The following YTHDF2 variants were observed in gnomAD, a reference collection of about 807,000 sequenced individuals.
YTHDF2 encodes the protein YTH N6-methyladenosine RNA binding protein F2.
Under a neutral mutation model 50.4 loss-of-function variants are expected in YTHDF2, and 2 were observed. The observed-to-expected ratio is 0.04, with a 90% CI of 0.02 to 0.12. The LOEUF (loss-of-function observed/expected upper bound fraction) is 0.12, where lower values mean the gene tolerates loss of function less well. Among genes scored for constraint, YTHDF2 ranks in the 10% least tolerant of loss-of-function variants. The pLI, the probability that YTHDF2 is intolerant of heterozygous loss-of-function variation, is 1.00. For missense variants in YTHDF2, 483 were observed against 722.6 expected (o/e 0.67, Z 3.80); for synonymous variants, 217 against 255.6 (o/e 0.85, Z 1.44).
intron 4 of YTHDF2, among the ~76,000 whole-genome samples, chr1:28,751,740 C>T (rs2087955769): frequency 6.6e-6 from 1 of 152,072 alleles, no homozygotes; most frequent in African/African-American, 2.4e-5. Flanking sequence ...CCATCTTTGC[C>T]TTAGAAGCAG....
intron 3 of YTHDF2, among the ~76,000 whole-genome samples, chr1:28,741,312 T>G (rs2087773189): frequency 6.6e-6 from 1 of 151,978 alleles, no homozygotes; most frequent in African/African-American, 2.4e-5. Flanking sequence ...TTTATTTTAT[T>G]TTTTTGAGAC....
chr1:28,756,785 C>G (rs1429990885), intron 4 of YTHDF2, among the ~76,000 whole-genome samples: 1 of 149,970 alleles, frequency 6.7e-6, no homozygotes, highest in Non-Finnish European at 1.5e-5. Context: ...ACAGCATTGG[C>G]TTTGCCTGCC....
intron 4 of YTHDF2, among the ~76,000 whole-genome samples, chr1:28,755,564 A>G (rs2088024814): frequency 6.6e-6 from 1 of 152,230 alleles, no homozygotes. Context: ...CTAATTCTGC[A>G]GCGTGGTTCT....
At chr1:28,744,471 TGGC>T (rs1260920693) in intron 4 of YTHDF2, among the ~76,000 whole-genome samples, 1 of 152,156 alleles carries the variant, frequency 6.6e-6, no homozygotes, top group Admixed American at 6.5e-5. Context: ...CTGTGACAAT[TGGC>T]GGTGTAAAAG....
intron 4 of YTHDF2, among the ~76,000 whole-genome samples, chr1:28,744,619 T>C (rs1039981478): frequency 4.6e-5 from 7 of 152,302 alleles, no homozygotes; most frequent in Admixed American, 3.9e-4. Flanking sequence ...AACTTTAGGA[T>C]TATAAGAGGA....
At chr1:28,736,893 C>G, upstream of YTHDF2, 1 of 480,002 alleles carries the variant, frequency 2.1e-6, no homozygotes, top group Non-Finnish European at 3.7e-6. Flanking sequence ...CGGTGGGGGG[C>G]GGGCGCGCGC....
rs1306633745 is a variant in YTHDF2 at position 28,736,940 on chromosome 1, A to T, written c.-181A>T. ...GAGACGGGCATTGAGCTCTTGGGCTAGAGCGTCGCCGAGTCGGAGCCGGAG... is the reference window on the plus strand; with the variant it reads ...GAGACGGGCATTGAGCTCTTGGGCTTGAGCGTCGCCGAGTCGGAGCCGGAG... On this transcript the variant is annotated 5_prime_UTR_variant, in exon 1 of 5. Transcript: ENST00000373812. The T allele has an allele frequency of 1.5e-6, 1 of 686,998 alleles. No homozygotes were observed. Among genetic ancestry groups the T allele is most frequent in the Non-Finnish European group, 2.4e-6 (1 of 416,616 alleles). 42.6% of individuals were successfully genotyped at this position (686,998 alleles called of 1,614,324 possible). A position where few individuals can be genotyped will look rare whatever the true frequency, so the allele number is the denominator to read the frequency against.
chr1:28,747,980 T>A (rs1328550533), intron 4 of YTHDF2, among the ~76,000 whole-genome samples: 2 of 149,362 alleles, frequency 1.3e-5, no homozygotes, highest in African/African-American at 4.9e-5. Flanking sequence ...TACAAAAAAT[T>A]AGCTGGGTGT....
chr1:28,748,226 C>G (rs1219885858), intron 4 of YTHDF2, among the ~76,000 whole-genome samples: 1 of 152,082 alleles, frequency 6.6e-6, no homozygotes, highest in Non-Finnish European at 1.5e-5. Flanking sequence ...CTGCCTTACT[C>G]TCCTGTTGGT....
intron 4 of YTHDF2, among the ~76,000 whole-genome samples, chr1:28,747,314 G>C (rs12034553): frequency 0.38 from 56,971 of 151,524 alleles, 12,119 homozygotes; most frequent in East Asian, 0.77. Flanking sequence ...GCTCATGCCT[G>C]TAATCCCAGC....
chr1:28,761,789 G>T (rs1330172623), intron 4 of YTHDF2, among the ~76,000 whole-genome samples: 1 of 152,122 alleles, frequency 6.6e-6, no homozygotes, highest in African/African-American at 2.4e-5. Flanking sequence ...CAAACTGCTG[G>T]TCCCAGCCTC....
chr1:28,761,968 G>A (rs1414280209), intron 4 of YTHDF2, among the ~76,000 whole-genome samples: 1 of 152,148 alleles, frequency 6.6e-6, no homozygotes, highest in Non-Finnish European at 1.5e-5. Context: ...ATATATATAT[G>A]ACTTGAAGTC....
At chr1:28,755,995 C>T (rs1024336213) in intron 4 of YTHDF2, among the ~76,000 whole-genome samples, 9 of 152,172 alleles carry the variant, frequency 5.9e-5, no homozygotes, top group Admixed American at 5.9e-4. Context: ...TAACAGATGA[C>T]TGCAGATGCC....
chr1:28,742,920 C>G lies in YTHDF2; in HGVS notation c.650C>G (p.Thr217Ser), dbSNP rs16838382. 1.1e-3 allele frequency: 1,749 copies of G among 1,614,152 alleles called. 17 individuals carry two copies. The African/African-American group carries it at 0.021, about 20-fold the overall frequency. Residue 217 changes from threonine to serine, a missense_variant, in exon 4 of 5, where the codon ACT becomes AGT. Coordinates refer to ENST00000373812, the MANE Select transcript of YTHDF2 (RefSeq NM_016258.3). ...VGSAVGSGSI[T>S]SNIVASNSLP... ...TCTGCTGTTGGTAGCGGGTCCATTA[C>G]TAGTAACATCGTGGCTTCCAATAGT...
In YTHDF2 at chr1:28,737,328, TCTC is replaced by T. The variant is rs1335503238; in HGVS notation, c.27+185_27+187del. ...TCTCCCTCAGCCTGTTCTTCCCGCTTCTCCTCGGGCCTCGGAGCCCACGGGCCG... is the reference window on the plus strand; with the variant it reads ...TCTCCCTCAGCCTGTTCTTCCCGCTTCTCGGGCCTCGGAGCCCACGGGCCG... On this transcript the variant is annotated intron_variant, in intron 1 of 4. Transcript: ENST00000373812. The T allele has an allele frequency of 2.4e-5, 19 of 793,608 alleles. No individual in the cohort carries two copies. The East Asian group carries it at 3.9e-4, about 16-fold the overall frequency. 49.2% of individuals were successfully genotyped at this position (793,608 alleles called of 1,614,324 possible).
chr1:28,738,630 A>T (rs1304412640), intron 3 of YTHDF2, among the ~76,000 whole-genome samples: 1 of 152,104 alleles, frequency 6.6e-6, no homozygotes, highest in African/African-American at 2.4e-5. Flanking sequence ...TTTTTTTAGT[A>T]GAGACGGGGT....
intron 4 of YTHDF2, among the ~76,000 whole-genome samples, chr1:28,752,814 G>T (rs1178202953): frequency 6.6e-6 from 1 of 151,896 alleles, no homozygotes; most frequent in East Asian, 1.9e-4. Context: ...AGGCTGAGGT[G>T]GGAGGATTGC....
chr1:28,743,275 G>A lies in YTHDF2; in HGVS notation c.1005G>A (p.Gln335=). Reference sequence around the variant, plus strand: ...AGCCATTGCCTCCACCTCCACCACAGCCTGCCCAGCTTTCAGTCCAGCAAC... The same window carrying A: ...AGCCATTGCCTCCACCTCCACCACAACCTGCCCAGCTTTCAGTCCAGCAAC... The part of the protein sequence containing the change: ...QTQPLPPPPP[Q]PAQLSVQQQA... The change falls in exon 4 of 5, where the codon CAG becomes CAA. Residue 335 remains glutamine, a synonymous_variant. Coordinates refer to ENST00000373812, the MANE Select transcript of YTHDF2 (RefSeq NM_016258.3). This position sits in a 1 kb window ranked among gnomAD's most constrained non-coding sequence, Gnocchi z 6.9. 3 of 1,614,102 alleles carry A rather than the reference G, an allele frequency of 1.9e-6. No homozygotes were observed. Among genetic ancestry groups the A allele is most frequent in the Non-Finnish European group, 2.5e-6 (3 of 1,180,040 alleles).
intron 3 of YTHDF2, among the ~76,000 whole-genome samples, chr1:28,741,735 T>C (rs1350523603): frequency 6.6e-6 from 1 of 152,232 alleles, no homozygotes; most frequent in Non-Finnish European, 1.5e-5. Context: ...GCTTTTTGGT[T>C]TATGATTGAG....
Sources: allele counts gnomAD v4.1 joint callset (sites outside exome capture counted in the v4.1 genomes callset), GRCh38; gene constraint gnomAD v4.1.1; non-coding constraint Gnocchi (gnomAD v3.1); transcripts MANE v1.5; gene names NCBI Gene and HGNC (gene_info 2026-07-23, HGNC 2026-07-21).